CACNA2D1: variants seen among roughly 807,000 people sequenced by gnomAD.
CACNA2D1 encodes the protein calcium voltage-gated channel auxiliary subunit alpha2delta 1.
A neutral mutation model predicts 171.5 loss-of-function variants in CACNA2D1; 53 were observed. The ratio of observed to expected loss-of-function variants is 0.31; its 90% CI spans 0.25 to 0.39. CACNA2D1 has a LOEUF of 0.39. Ranked by LOEUF, CACNA2D1 falls within the 10% of genes least tolerant of loss-of-function variation. The probability of loss-of-function intolerance (pLI) is 1.00; values close to 1 mark genes in which losing one functional copy is unlikely to be tolerated. For missense variants in CACNA2D1, 903 were observed against 1,299.8 expected (o/e 0.69, Z 4.69); for synonymous variants, 442 against 443.1 (o/e 1.00, Z 0.03).
chr7:82,108,731 TA>T (rs778317659), intron 6 of CACNA2D1, among the ~76,000 whole-genome samples: 129 of 152,304 alleles, frequency 8.5e-4, no homozygotes, highest in Non-Finnish European at 1.6e-3. Context: ...ATGTATTACA[TA>T]AATGTTATTT....
At chr7:82,371,337 G>C (rs1235539235) in intron 1 of CACNA2D1, among the ~76,000 whole-genome samples, 1 of 152,108 alleles carries the variant, frequency 6.6e-6, no homozygotes, top group Non-Finnish European at 1.5e-5. Flanking sequence ...CTGTTTATGA[G>C]ACGATGTGAG....
At chr7:82,145,153 C>G (rs560824065) in intron 4 of CACNA2D1, among the ~76,000 whole-genome samples, 1 of 150,122 alleles carries the variant, frequency 6.7e-6, no homozygotes, top group East Asian at 1.9e-4. Context: ...CAATCAAATA[C>G]TTATACCTCC....
At chr7:82,359,804 TGTTCTGAAACTATCTAGCACA>T (rs1820879640) in intron 1 of CACNA2D1, among the ~76,000 whole-genome samples, 1 of 152,226 alleles carries the variant, frequency 6.6e-6, no homozygotes, top group African/African-American at 2.4e-5. Flanking sequence ...TAGCTTATCA[TGTTCTGAAACTATCTAGCACA>T]GTTCTGAACA....
intron 3 of CACNA2D1, among the ~76,000 whole-genome samples, chr7:82,296,027 C>T (rs1253275935): frequency 1.3e-5 from 2 of 151,074 alleles, no homozygotes; most frequent in Non-Finnish European, 2.9e-5. Context: ...CCAAACACCT[C>T]ATGTTCTCAC....
chr7:82,147,449 C>T (rs915569939), intron 4 of CACNA2D1, among the ~76,000 whole-genome samples: 1 of 152,162 alleles, frequency 6.6e-6, no homozygotes, highest in Non-Finnish European at 1.5e-5. Flanking sequence ...TGAACAAACA[C>T]ATTCATAATG....
chr7:82,032,004 G>A (rs906173287), intron 12 of CACNA2D1, among the ~76,000 whole-genome samples: 2 of 151,900 alleles, frequency 1.3e-5, no homozygotes, highest in Non-Finnish European at 2.9e-5. Flanking sequence ...TAGCATTTTA[G>A]GAAACCAGGT....
intron 6 of CACNA2D1, among the ~76,000 whole-genome samples, chr7:82,115,172 T>G (rs1482234915): frequency 1.3e-5 from 2 of 152,182 alleles, no homozygotes; most frequent in African/African-American, 4.8e-5. Context: ...ACCCAGCCAG[T>G]TTTTCTTCCA....
intron 38 of CACNA2D1, among the ~76,000 whole-genome samples, chr7:81,956,988 A>G (rs1286876775): frequency 6.6e-6 from 1 of 152,134 alleles, no homozygotes; most frequent in African/African-American, 2.4e-5. Context: ...TAGAAACTAG[A>G]AGCACTTATT....
chr7:82,016,117 C>A (rs1189271139), intron 12 of CACNA2D1, among the ~76,000 whole-genome samples: 1 of 152,114 alleles, frequency 6.6e-6, no homozygotes, highest in African/African-American at 2.4e-5. Context: ...GCAATGGTTT[C>A]ATTTTCTTTA....
intron 10 of CACNA2D1, among the ~76,000 whole-genome samples, chr7:82,039,460 C>T (rs1363182131): frequency 6.6e-6 from 1 of 152,154 alleles, no homozygotes; most frequent in East Asian, 1.9e-4. Flanking sequence ...CTATGTGCTG[C>T]ATTTACTACA....
Position 82,291,962 on chromosome 7 carries a change from T to C in CACNA2D1, c.294+43173A>G, listed in dbSNP as rs555334058. ...TTTATTTTTCTTTTGTTACTTTCCC[T>C]TCCCCACTACAAACACACACATACA... On this transcript the variant is annotated intron_variant, in intron 3 of 38. Transcript: ENST00000356860. Among the ~76,000 whole-genome samples the C allele has an allele frequency of 2.0e-5, 3 of 151,884 alleles. No homozygotes were observed. The East Asian group carries it at 5.8e-4, about 30-fold the overall frequency.
chr7:82,410,887 T>C (rs1010177386), intron 1 of CACNA2D1, among the ~76,000 whole-genome samples: 1 of 152,246 alleles, frequency 6.6e-6, no homozygotes, highest in African/African-American at 2.4e-5. Context: ...ATAAAAGGAA[T>C]CTTTTTTAAT....
intron 3 of CACNA2D1, among the ~76,000 whole-genome samples, chr7:82,251,988 T>A (rs944830706): frequency 3.3e-5 from 5 of 152,210 alleles, no homozygotes; most frequent in Admixed American, 3.3e-4. Context: ...TACTTTGGAA[T>A]ACCCCAATCT....
intron 5 of CACNA2D1, among the ~76,000 whole-genome samples, chr7:82,136,078 A>G (rs1330974322): frequency 6.6e-6 from 1 of 152,214 alleles, no homozygotes; most frequent in Non-Finnish European, 1.5e-5. Context: ...ACTGATTAGC[A>G]CTAAAATAAT....
intron 5 of CACNA2D1, among the ~76,000 whole-genome samples, chr7:82,129,535 C>A (rs1790716424): frequency 6.6e-6 from 1 of 152,146 alleles, no homozygotes. Flanking sequence ...TTGTTAGTTT[C>A]TCCATTGAGA....
chr7:82,393,435 A>G (rs1396206762), intron 1 of CACNA2D1, among the ~76,000 whole-genome samples: 1 of 152,216 alleles, frequency 6.6e-6, no homozygotes, highest in African/African-American at 2.4e-5. Context: ...TAACAAAAAT[A>G]TAAACAAAAA....
At chr7:82,023,493 GATTC>G (rs377294306) in intron 12 of CACNA2D1, among the ~76,000 whole-genome samples, 159 of 151,702 alleles carry the variant, frequency 1.0e-3, no homozygotes, top group African/African-American at 3.7e-3. Context: ...AAAGATTTCT[GATTC>G]ATCTAGATGA....
chr7:82,199,308 T>A (rs1419218889), intron 3 of CACNA2D1, among the ~76,000 whole-genome samples: 1 of 152,148 alleles, frequency 6.6e-6, no homozygotes, highest in East Asian at 1.9e-4. Context: ...GAAAAAGATA[T>A]ATTTTAGAAA....
intron 16 of CACNA2D1, 37 bp from the exon 17 acceptor site, chr7:82,005,876 A>G (rs1167044695): frequency 1.7e-6 from 2 of 1,166,694 alleles, no homozygotes; most frequent in Non-Finnish European, 2.6e-6. Flanking sequence ...TTTTATGTCA[A>G]AAATTTACGT....
Sources: allele counts gnomAD v4.1 joint callset (sites outside exome capture counted in the v4.1 genomes callset), GRCh38; gene constraint gnomAD v4.1.1; transcripts MANE v1.5; gene names NCBI Gene and HGNC (gene_info 2026-07-23, HGNC 2026-07-21).